Variants in VSIG1 observed in about 807,000 individuals in gnomAD.
VSIG1 encodes V-set and immunoglobulin domain containing 1, also known as V-set and immunoglobulin domain-containing protein 1.
In VSIG1, 11 loss-of-function variants were observed where a neutral mutation model predicts 20.1. That is an observed-to-expected ratio of 0.55 (90% CI 0.34 to 0.91). The LOEUF (loss-of-function observed/expected upper bound fraction) is 0.91, where lower values mean the gene tolerates loss of function less well. Among genes scored for constraint, VSIG1 ranks in the 40% least tolerant of loss-of-function variants. VSIG1 has a pLI of 0.02. For missense variants in VSIG1, 283 were observed against 298.8 expected (o/e 0.95, Z 0.39); for synonymous variants, 126 against 116.7 (o/e 1.08, Z -0.52).
the VSIG1 span, among the ~76,000 whole-genome samples, chrX:108,022,962 G>A: frequency 3.6e-5 from 4 of 111,957 alleles, no homozygotes; most frequent in African/African-American, 1.3e-4. Context: ...TCTGCCATGA[G>A]TAAAAGCTTC....
At chrX:108,041,853 CAATCACACCGTGCCATTGTGTGGTGTGAT>C (rs1289882037), upstream of VSIG1, among the ~76,000 whole-genome samples, 1 of 107,374 alleles carries the variant, frequency 9.3e-6, no homozygotes, top group Admixed American at 1.0e-4. Flanking sequence ...TGTTACATTA[CAATCACACCGTGCCATTGTGTGGTGTGAT>C]AGGAACAGCT....
intron 1 of VSIG1, among the ~76,000 whole-genome samples, chrX:108,046,662 T>C (rs58462160): frequency 9.0e-6 from 1 of 111,597 alleles, no homozygotes; most frequent in Non-Finnish European, 1.9e-5. Flanking sequence ...TAAAATAAAA[T>C]AAAAATCATC....
At position 108,057,957 on chromosome X, in the gene VSIG1, T is replaced by C. The variant is rs139751190; in HGVS notation, c.50-81T>C. On this transcript the variant is annotated intron_variant, in intron 1 of 6. Transcript: ENST00000217957. ...CACCTTGGATTCCTCAAATAGGATG[T>C]CTTTGTAAGTGTTCTGTGATGAAAC... The C allele has an allele frequency of 6.7e-5, 64 of 952,739 alleles. No individual in the cohort carries two copies. In the African/African-American group the frequency reaches 8.6e-4, roughly 13 times the overall value. 78.5% of individuals were successfully genotyped at this position (952,739 alleles called of 1,213,427 possible).
At chrX:108,045,861 A>G (rs773324915) in intron 1 of VSIG1, among the ~76,000 whole-genome samples, 33 of 112,203 alleles carry the variant, frequency 2.9e-4, no homozygotes, top group African/African-American at 1.0e-3. Flanking sequence ...ATCTGTTCTT[A>G]TAAGTTAGGT....
chrX:108,055,067 A>G (rs184650861), intron 1 of VSIG1, among the ~76,000 whole-genome samples: 1 of 110,885 alleles, frequency 9.0e-6, no homozygotes, highest in African/African-American at 3.3e-5. Context: ...AACTTCTAGC[A>G]AGACTAATAA....
intron 5 of VSIG1, chrX:108,073,647 GC>G: frequency 8.8e-6 from 2 of 228,052 alleles, no homozygotes; most frequent in South Asian, 1.6e-4. Flanking sequence ...TAAAAAAGAA[GC>G]CTTTCTGATA....
At chrX:108,027,381 T>C in the VSIG1 span, among the ~76,000 whole-genome samples, 1 of 111,853 alleles carries the variant, frequency 8.9e-6, no homozygotes, top group African/African-American at 3.2e-5. Flanking sequence ...TCCTTGAAAA[T>C]GTTATGCTAA....
chrX:108,040,396 A>G (rs958012630), upstream of VSIG1, among the ~76,000 whole-genome samples: 6 of 112,249 alleles, frequency 5.3e-5, no homozygotes, highest in Non-Finnish European at 1.1e-4. Context: ...TAAATAAATA[A>G]AAGACTGATA....
At chrX:108,019,855 G>A in the VSIG1 span, among the ~76,000 whole-genome samples, 1 of 111,509 alleles carries the variant, frequency 9.0e-6, no homozygotes, top group African/African-American at 3.3e-5. Flanking sequence ...CGGCCAGCAA[G>A]GATTGGGGGA....
chrX:108,047,957 C>CATATATATATATATATAT (rs1569287407), intron 1 of VSIG1, among the ~76,000 whole-genome samples: 4 of 25,899 alleles, frequency 1.5e-4, no homozygotes, highest in East Asian at 1.2e-3. Flanking sequence ...TATATATACA[C>CATATATATATATATATAT]ACACATATAT....
the VSIG1 span, among the ~76,000 whole-genome samples, chrX:108,036,614 C>A: frequency 2.7e-5 from 3 of 111,927 alleles, no homozygotes; most frequent in Non-Finnish European, 3.8e-5. Context: ...ACATGACTTG[C>A]CAAAGGAGAA....
At chrX:108,039,441 C>T in the VSIG1 span, among the ~76,000 whole-genome samples, 65 of 111,695 alleles carry the variant, frequency 5.8e-4, no homozygotes, top group African/African-American at 2.0e-3. Context: ...ATGATCCACC[C>T]GTCTCAGTCT....
chrX:108,075,981 T>C, intron 5 of VSIG1, 96 bp from the exon 6 acceptor site: 1 of 1,073,764 alleles, frequency 9.3e-7, no homozygotes, highest in Non-Finnish European at 1.3e-6. Flanking sequence ...ATTTTCCCAC[T>C]ATGTGAATGG....
At chrX:108,065,059 A>G (rs958397067) in intron 2 of VSIG1, among the ~76,000 whole-genome samples, 1 of 112,089 alleles carries the variant, frequency 8.9e-6, no homozygotes, top group African/African-American at 3.2e-5. Flanking sequence ...TGCAAGCAAG[A>G]AAACACGTTG....
chrX:108,037,600 G>A, the VSIG1 span, among the ~76,000 whole-genome samples: 1 of 111,948 alleles, frequency 8.9e-6, no homozygotes, highest in Admixed American at 9.5e-5. Context: ...TTCATCAAAG[G>A]GTAATGATTT....
At chrX:108,031,799 A>T in the VSIG1 span, among the ~76,000 whole-genome samples, 1 of 112,176 alleles carries the variant, frequency 8.9e-6, no homozygotes. Context: ...TGTCATCATT[A>T]AGTATAGTCA....
At chrX:108,071,892 CAAAAAAA>C (rs1203449181) in intron 3 of VSIG1, among the ~76,000 whole-genome samples, 25 of 36,404 alleles carry the variant, frequency 6.9e-4, no homozygotes, top group Non-Finnish European at 1.4e-3. Flanking sequence ...TGAACAAATG[CAAAAAAA>C]AAAAAAAAAA....
At chrX:108,050,297 T>G (rs2030757325) in intron 1 of VSIG1, among the ~76,000 whole-genome samples, 2 of 112,018 alleles carry the variant, frequency 1.8e-5, no homozygotes, top group African/African-American at 6.5e-5. Context: ...TGGACAGGAA[T>G]TAGTCCCTCT....
intron 2 of VSIG1, among the ~76,000 whole-genome samples, chrX:108,062,799 G>A (rs12860693): frequency 0.019 from 2,090 of 111,719 alleles, 21 homozygotes; most frequent in Non-Finnish European, 0.027. Context: ...CCCTCTATCA[G>A]CAGTACAAGA....
Sources: allele counts gnomAD v4.1 joint callset (sites outside exome capture counted in the v4.1 genomes callset), GRCh38; gene constraint gnomAD v4.1.1; transcripts MANE v1.5; gene names NCBI Gene and HGNC (gene_info 2026-07-23, HGNC 2026-07-21).